NRP2: variants seen among roughly 807,000 people sequenced by gnomAD.
NRP2 encodes neuropilin-2.
Under a neutral mutation model 110.4 loss-of-function variants are expected in NRP2, and 52 were observed. The ratio of observed to expected loss-of-function variants is 0.47; its 90% CI spans 0.38 to 0.59. The LOEUF is 0.59. NRP2 is among the 20% of genes least tolerant of loss of function. The pLI is 0.00. For synonymous variants in NRP2, 508 were observed against 468.9 expected, an observed-to-expected ratio of 1.08 and a Z score of -1.08; for missense variants, 1,049 against 1,203.0, an observed-to-expected ratio of 0.87 and a Z score of 1.89.
intron 2 of NRP2, among the ~76,000 whole-genome samples, chr2:205,713,127 C>A (rs183474238): frequency 6.6e-6 from 1 of 152,094 alleles, no homozygotes; most frequent in South Asian, 2.1e-4. Context: ...TGTTGGGCAG[C>A]CCTGCTTCAT....
chr2:205,769,346 A>G (rs2057979732), intron 15 of NRP2, among the ~76,000 whole-genome samples: 1 of 152,206 alleles, frequency 6.6e-6, no homozygotes, highest in African/African-American at 2.4e-5. Flanking sequence ...GTGAAATACA[A>G]TAAAAGTGGC....
At chr2:205,734,187 T>C (rs375677863) in intron 7 of NRP2, among the ~76,000 whole-genome samples, 21 of 147,244 alleles carry the variant, frequency 1.4e-4, no homozygotes, top group South Asian at 1.3e-3. Flanking sequence ...TATATATATA[T>C]ACATATATCT....
At chr2:205,766,044 T>C (rs2057912479) in intron 14 of NRP2, among the ~76,000 whole-genome samples, 1 of 152,226 alleles carries the variant, frequency 6.6e-6, no homozygotes, top group African/African-American at 2.4e-5. Flanking sequence ...AACTGTGGCA[T>C]TTGAAGTAAG....
chr2:205,761,384 T>C (rs965157167), intron 12 of NRP2: 2 of 152,088 alleles, frequency 1.3e-5, no homozygotes, highest in Admixed American at 1.3e-4. Flanking sequence ...AAAAAAGACA[T>C]GAAAAAACCA....
intron 11 of NRP2, among the ~76,000 whole-genome samples, chr2:205,751,725 C>T (rs550946972): frequency 2.0e-5 from 3 of 152,278 alleles, no homozygotes; most frequent in Non-Finnish European, 2.9e-5. Flanking sequence ...TCTACCAGTC[C>T]GTGGCTCCCT....
intron 12 of NRP2, among the ~76,000 whole-genome samples, chr2:205,754,359 G>T (rs1342196195): frequency 2.0e-5 from 3 of 152,226 alleles, no homozygotes; most frequent in Admixed American, 1.3e-4. Flanking sequence ...CTTGGAGCTG[G>T]CCTCCTGACA....
chr2:205,749,698 C>G, intron 10 of NRP2, 27 bp from the exon 11 acceptor site: 2 of 1,587,164 alleles, frequency 1.3e-6, no homozygotes, highest in Middle Eastern at 1.7e-4. Flanking sequence ...CTACAGCATT[C>G]TCTTATCTTC....
At chr2:205,719,169 T>G (rs2056961515) in intron 3 of NRP2, among the ~76,000 whole-genome samples, 1 of 152,164 alleles carries the variant, frequency 6.6e-6, no homozygotes, top group Non-Finnish European at 1.5e-5. Context: ...CAGCTATGTT[T>G]GCTAGTCGGA....
chr2:205,714,651 A>G (rs1269067127), intron 2 of NRP2, among the ~76,000 whole-genome samples: 1 of 152,094 alleles, frequency 6.6e-6, no homozygotes, highest in Non-Finnish European at 1.5e-5. Flanking sequence ...GGTCTTCTCA[A>G]TCTGTGACCA....
chr2:205,695,432 G>C (rs2105882743), intron 1 of NRP2, among the ~76,000 whole-genome samples: 1 of 152,286 alleles, frequency 6.6e-6, no homozygotes, highest in African/African-American at 2.4e-5. Context: ...CTGGGGTGTG[G>C]GGAATTGAGG....
At chr2:205,755,729 C>T (rs1318943931) in intron 12 of NRP2, among the ~76,000 whole-genome samples, 1 of 152,140 alleles carries the variant, frequency 6.6e-6, no homozygotes, top group Non-Finnish European at 1.5e-5. Flanking sequence ...CAGAGTCAGC[C>T]TGAAAGCCTG....
chr2:205,794,693 C>G, intron 16 of NRP2, 61 bp from the exon 17 acceptor site: 1 of 1,565,526 alleles, frequency 6.4e-7, no homozygotes, highest in Non-Finnish European at 8.8e-7. Flanking sequence ...TGGGGAGGCT[C>G]AGTCACTTCA....
At position 205,752,916 on chromosome 2, in the gene NRP2, C is replaced by A. The variant is rs2057672862; in HGVS notation, c.1985C>A (p.Ala662Asp). The stretch of plus-strand genomic sequence containing the variant: ...CCCTGTGGTTGGATGTATGACCATG[C>A]CAAGTGGCTCCGGACCACCTGGGCC... ...EEPCGWMYDH[A>D]KWLRTTWASS... Residue 662 changes from alanine (A) to aspartate (D), a missense_variant, in exon 12 of 17, where the codon GCC (alanine) becomes GAC (aspartate). By Grantham distance (126) the Ala-to-Asp change is moderately radical (BLOSUM62 -2). Transcript: ENST00000357785. The A allele has an allele frequency of 5.0e-6, 8 of 1,614,176 alleles. No individual in the cohort carries two copies. Among genetic ancestry groups the A allele is most frequent in the Non-Finnish European group, 6.8e-6 (8 of 1,180,040 alleles).
Position 205,784,235 on chromosome 2 carries a change from T to C in NRP2, c.2426-8000T>C, listed in dbSNP as rs1400804241. On this transcript the variant is annotated intron_variant, in intron 15 of 16. Coordinates refer to ENST00000357785, the MANE Select transcript of NRP2 (RefSeq NM_003872.3). ...TGCAACTTATTAAAGAGCAGCCAGC[T>C]CCAGTAACGATGGGTGTGCAGAAAG... Among the ~76,000 whole-genome samples the C allele has an allele frequency of 4.6e-5, 7 of 152,176 alleles. No individual in the cohort carries two copies. In the South Asian group the frequency reaches 8.3e-4, roughly 18 times the overall value.
At chr2:205,685,113 C>T (rs1315034985) in intron 1 of NRP2, among the ~76,000 whole-genome samples, 1 of 152,188 alleles carries the variant, frequency 6.6e-6, no homozygotes, top group African/African-American at 2.4e-5. Context: ...TACGTGTGTG[C>T]GCGACACCCG....
intron 12 of NRP2, among the ~76,000 whole-genome samples, chr2:205,755,043 A>T (rs2057711795): frequency 6.6e-6 from 1 of 152,160 alleles, no homozygotes; most frequent in Non-Finnish European, 1.5e-5. Context: ...TCACAGCTCC[A>T]GGGGAGCTTA....
At position 205,763,759 on chromosome 2, in the gene NRP2, C is replaced by T. The variant is rs745515333; in HGVS notation, c.2130C>T (p.Pro710=). The T allele has an allele frequency of 4.3e-6, 7 of 1,614,212 alleles. No homozygotes were observed. The South Asian group carries it at 7.7e-5, about 18-fold the overall frequency. ...TCATCAGCCCCCCTGTCCACCTGCC[C>T]CGAAGCCCGGTGTGCATGGAGTTCC... ...ARLISPPVHL[P]RSPVCMEFQY... is the part of the protein sequence containing the mutation. Residue 710 remains proline (P), a synonymous_variant, in exon 13 of 17, where the codon CCC becomes CCT. Coordinates refer to ENST00000357785, the MANE Select transcript of NRP2 (RefSeq NM_003872.3). This position sits in a 1 kb window ranked among gnomAD's most constrained non-coding sequence, Gnocchi z 4.0.
chr2:205,761,700 G>T (rs181191535), intron 12 of NRP2, among the ~76,000 whole-genome samples: 11 of 152,316 alleles, frequency 7.2e-5, no homozygotes, highest in Non-Finnish European at 1.5e-4. Flanking sequence ...AGGACTTGGG[G>T]CAAGCTACCT....
intron 15 of NRP2, chr2:205,778,311 C>G (rs779646977): frequency 3.3e-5 from 5 of 151,318 alleles, no homozygotes; most frequent in Non-Finnish European, 5.9e-5. Flanking sequence ...ACTCAACTTT[C>G]TCATCTGGTT....
Sources: allele counts gnomAD v4.1 joint callset (sites outside exome capture counted in the v4.1 genomes callset), GRCh38; gene constraint gnomAD v4.1.1; non-coding constraint Gnocchi (gnomAD v3.1); transcripts MANE v1.5; gene names NCBI Gene and HGNC (gene_info 2026-07-23, HGNC 2026-07-21).